Variants in CCDC146 observed in about 807,000 individuals in gnomAD.
CCDC146 encodes coiled-coil domain containing 146.
In CCDC146, 92 loss-of-function variants were observed where a neutral mutation model predicts 119.3. The ratio of observed to expected loss-of-function variants is 0.77; its 90% CI spans 0.65 to 0.92. The LOEUF is 0.92. CCDC146 is among the 40% of genes least tolerant of loss of function. The probability of loss-of-function intolerance (pLI) is 0.00; values close to 1 mark genes in which losing one functional copy is unlikely to be tolerated. For missense variants in CCDC146, 1,000 were observed against 1,103.0 expected, an observed-to-expected ratio of 0.91 and a Z score of 1.32; for synonymous variants, 372 against 371.8, an observed-to-expected ratio of 1.00 and a Z score of -0.01.
intron 15 of CCDC146, among the ~76,000 whole-genome samples, chr7:77,285,354 T>A (rs1793830007): frequency 6.6e-6 from 1 of 152,216 alleles, no homozygotes; most frequent in Admixed American, 6.5e-5. Flanking sequence ...CTTGATTACA[T>A]ATGTATGTAC....
chr7:77,221,158 G>A lies in CCDC146; in HGVS notation c.157-15789G>A, dbSNP rs1218582282. Among the ~76,000 whole-genome samples the A allele has an allele frequency of 2.6e-5, 4 of 152,002 alleles. No individual in the cohort carries two copies. In the East Asian group the frequency reaches 7.7e-4, roughly 29 times the overall value. ...GGATAGTGCTATACCATTCATAAAG[G>A]ATCCACCCCCATGATCCAGTCACCT... On this transcript the variant is annotated intron_variant, in intron 2 of 18. Coordinates refer to ENST00000285871, the MANE Select transcript of CCDC146 (RefSeq NM_020879.3).
chr7:77,237,234 C>G (rs772395335), intron 3 of CCDC146, among the ~76,000 whole-genome samples: 1 of 152,146 alleles, frequency 6.6e-6, no homozygotes, highest in Middle Eastern at 3.4e-3. Context: ...TTGATCAGGC[C>G]GTGTACATCT....
chr7:77,127,435 TGCA>T (rs1427016731), intron 1 of CCDC146, among the ~76,000 whole-genome samples: 1 of 152,166 alleles, frequency 6.6e-6, no homozygotes, highest in Non-Finnish European at 1.5e-5. Context: ...TCCTCCCTAC[TGCA>T]GCCAGCGTGA....
chr7:77,144,256 A>C (rs981320038), intron 1 of CCDC146, among the ~76,000 whole-genome samples: 2 of 151,630 alleles, frequency 1.3e-5, no homozygotes, highest in Non-Finnish European at 2.9e-5. Context: ...TGATTTTTGC[A>C]CATTGATTTT....
chr7:77,284,998 T>G (rs1416289594), intron 15 of CCDC146, among the ~76,000 whole-genome samples: 1 of 152,036 alleles, frequency 6.6e-6, no homozygotes, highest in Non-Finnish European at 1.5e-5. Context: ...TTTTTTTAAG[T>G]CTTCTCCCTT....
At chr7:77,210,637 A>G (rs1014304160) in intron 2 of CCDC146, among the ~76,000 whole-genome samples, 3 of 152,040 alleles carry the variant, frequency 2.0e-5, no homozygotes, top group Non-Finnish European at 2.9e-5. Flanking sequence ...TCTGGTACCA[A>G]TTTTCTGTAT....
intron 2 of CCDC146, among the ~76,000 whole-genome samples, chr7:77,203,651 C>T (rs1452439411): frequency 1.3e-5 from 2 of 152,172 alleles, no homozygotes; most frequent in African/African-American, 4.8e-5. Context: ...CCTCTTCTCT[C>T]TTGCTGAAAG....
chr7:77,284,813 C>T (rs1793820562), intron 15 of CCDC146, among the ~76,000 whole-genome samples: 1 of 151,944 alleles, frequency 6.6e-6, no homozygotes, highest in Non-Finnish European at 1.5e-5. Context: ...TATCAGTTAT[C>T]TGCTCTACCG....
At chr7:77,192,706 C>CG (rs1295042594) in intron 2 of CCDC146, among the ~76,000 whole-genome samples, 2 of 151,992 alleles carry the variant, frequency 1.3e-5, no homozygotes, top group African/African-American at 4.8e-5. Flanking sequence ...GGGTGGATCA[C>CG]GAGGTCAGGA....
chr7:77,208,136 C>T (rs753035749), intron 2 of CCDC146, among the ~76,000 whole-genome samples: 1 of 152,200 alleles, frequency 6.6e-6, no homozygotes. Flanking sequence ...TTCTGAACCC[C>T]TCAATTCCCT....
intron 2 of CCDC146, among the ~76,000 whole-genome samples, chr7:77,221,224 A>G (rs1478745894): frequency 1.3e-5 from 2 of 152,208 alleles, no homozygotes; most frequent in Non-Finnish European, 2.9e-5. Context: ...TTACAATTCA[A>G]CATGAGATTT....
intron 17 of CCDC146, among the ~76,000 whole-genome samples, chr7:77,290,223 G>A (rs192664956): frequency 9.8e-5 from 14 of 142,364 alleles, no homozygotes; most frequent in East Asian, 2.1e-4. Context: ...GGGGAACACC[G>A]GGGCCTGTCA....
chr7:77,261,724 A>T (rs6465501), intron 8 of CCDC146, among the ~76,000 whole-genome samples: 1 of 151,136 alleles, frequency 6.6e-6, no homozygotes, highest in African/African-American at 2.4e-5. Flanking sequence ...TGATCCACCC[A>T]CCTCGGCCTC....
At chr7:77,161,449 A>G (rs1791259774) in intron 1 of CCDC146, among the ~76,000 whole-genome samples, 1 of 151,986 alleles carries the variant, frequency 6.6e-6, no homozygotes, top group African/African-American at 2.4e-5. Context: ...ATGGAATACT[A>G]TGCAGCCATA....
At chr7:77,188,100 T>C (rs1424628665) in intron 2 of CCDC146, among the ~76,000 whole-genome samples, 1 of 152,222 alleles carries the variant, frequency 6.6e-6, no homozygotes, top group Non-Finnish European at 1.5e-5. Flanking sequence ...TTTTTGTCTA[T>C]AAATTTGTTC....
At chr7:77,127,335 T>G (rs1219497246) in intron 1 of CCDC146, among the ~76,000 whole-genome samples, 1 of 152,088 alleles carries the variant, frequency 6.6e-6, no homozygotes, top group Admixed American at 6.5e-5. Flanking sequence ...GATCTACAGC[T>G]GCAGTTTGGG....
chr7:77,257,129 GCACA>G, intron 6 of CCDC146: 1 of 151,002 alleles, frequency 6.6e-6, no homozygotes, highest in Non-Finnish European at 1.5e-5. Flanking sequence ...ACAACAAAAC[GCACA>G]CACACACACA....
At chr7:77,177,059 C>T (rs1312967914) in intron 2 of CCDC146, among the ~76,000 whole-genome samples, 1 of 151,932 alleles carries the variant, frequency 6.6e-6, no homozygotes, top group Non-Finnish European at 1.5e-5. Context: ...TGGTCTCAAA[C>T]TCCTGGGCTC....
chr7:77,150,088 A>G (rs564017607), intron 1 of CCDC146, among the ~76,000 whole-genome samples: 306 of 152,218 alleles, frequency 2.0e-3, no homozygotes, highest in African/African-American at 7.1e-3. Flanking sequence ...AAAACTATAA[A>G]ATTTCTAAAA....
Sources: allele counts gnomAD v4.1 joint callset (sites outside exome capture counted in the v4.1 genomes callset), GRCh38; gene constraint gnomAD v4.1.1; transcripts MANE v1.5; gene names NCBI Gene and HGNC (gene_info 2026-07-23, HGNC 2026-07-21).